PCDH7: variants seen among roughly 807,000 people sequenced by gnomAD.
PCDH7 encodes protocadherin-7.
PCDH7 carries 17 observed loss-of-function variants against 58.9 expected under a neutral mutation model. The ratio of observed to expected loss-of-function variants is 0.29; its 90% CI spans 0.20 to 0.43. The LOEUF (loss-of-function observed/expected upper bound fraction) is 0.43. Ranked by LOEUF, PCDH7 falls within the 20% of genes least tolerant of loss-of-function variation. The pLI is 1.00. For missense variants in PCDH7, 1,274 were observed against 1,441.0 expected (o/e 0.88, Z 1.88); for synonymous variants, 664 against 616.4 (o/e 1.08, Z -1.14).
chr4:30,932,587 G>A (rs1424093034), intron 2 of PCDH7, among the ~76,000 whole-genome samples: 1 of 152,094 alleles, frequency 6.6e-6, no homozygotes, highest in Non-Finnish European at 1.5e-5. Context: ...ATGTATATTT[G>A]TTTCATGGAA....
intron 3 of PCDH7, among the ~76,000 whole-genome samples, chr4:31,010,234 C>G (rs1326087593): frequency 6.6e-6 from 1 of 151,872 alleles, no homozygotes; most frequent in Non-Finnish European, 1.5e-5. Flanking sequence ...CTCAAACCAA[C>G]CACTCTATTA....
chr4:30,851,297 G>T (rs1408887437), intron 1 of PCDH7, among the ~76,000 whole-genome samples: 1 of 151,830 alleles, frequency 6.6e-6, no homozygotes, highest in East Asian at 1.9e-4. Flanking sequence ...ACCTACTTTT[G>T]AATCTAGTTT....
At chr4:30,762,837 T>C (rs1450019105) in intron 1 of PCDH7, among the ~76,000 whole-genome samples, 1 of 152,218 alleles carries the variant, frequency 6.6e-6, no homozygotes, top group Non-Finnish European at 1.5e-5. Context: ...GTTTACTGGA[T>C]GCTTATTTAT....
intron 1 of PCDH7, among the ~76,000 whole-genome samples, chr4:30,891,621 C>G (rs984107098): frequency 6.6e-6 from 1 of 151,980 alleles, no homozygotes; most frequent in African/African-American, 2.4e-5. Flanking sequence ...CACTATTTTT[C>G]TCTTTTAGCT....
rs1024825002 is a variant in PCDH7, at chr4:30,952,578, A to T, written c.*7+2363A>T. On this transcript the variant is annotated intron_variant, in intron 3 of 3. Transcript: ENST00000509759. ...ATTAAAAACCACAGACACTGAAAGGATGTTAAAAGAATATGAATTAAATTG... is the reference window on the plus strand; with the variant it reads ...ATTAAAAACCACAGACACTGAAAGGTTGTTAAAAGAATATGAATTAAATTG... Among the ~76,000 whole-genome samples the T allele has an allele frequency of 1.2e-4, 19 of 152,214 alleles. No homozygotes were observed. In the East Asian group the frequency reaches 2.3e-3, roughly 19 times the overall value.
intron 3 of PCDH7, among the ~76,000 whole-genome samples, chr4:31,105,504 A>G (rs929849339): frequency 2.0e-5 from 3 of 152,044 alleles, no homozygotes; most frequent in Admixed American, 2.0e-4. Context: ...AGGGCTCTAT[A>G]CCCTGGAGGT....
chr4:31,014,754 T>C (rs1281919813), intron 3 of PCDH7, among the ~76,000 whole-genome samples: 2 of 152,148 alleles, frequency 1.3e-5, no homozygotes, highest in African/African-American at 2.4e-5. Flanking sequence ...CACAGAAAAA[T>C]GATCTCTTAG....
intron 3 of PCDH7, among the ~76,000 whole-genome samples, chr4:31,016,323 T>G (rs1413227841): frequency 6.6e-6 from 1 of 152,156 alleles, no homozygotes; most frequent in Admixed American, 6.5e-5. Context: ...TCAGAAAATT[T>G]GGCTCCTGTT....
intron 3 of PCDH7, among the ~76,000 whole-genome samples, chr4:31,009,429 A>G (rs1753011292): frequency 6.6e-6 from 1 of 152,028 alleles, no homozygotes; most frequent in Non-Finnish European, 1.5e-5. Flanking sequence ...ACATACACAC[A>G]GAGACGCATT....
At chr4:31,088,963 T>C (rs1002141015) in intron 3 of PCDH7, among the ~76,000 whole-genome samples, 1 of 152,078 alleles carries the variant, frequency 6.6e-6, no homozygotes, top group Non-Finnish European at 1.5e-5. Flanking sequence ...CCTAAAAATA[T>C]CTTACACTTT....
At chr4:30,790,341 G>A (rs984779761) in intron 1 of PCDH7, among the ~76,000 whole-genome samples, 1 of 152,170 alleles carries the variant, frequency 6.6e-6, no homozygotes, top group African/African-American at 2.4e-5. Flanking sequence ...GATACACAGA[G>A]TTTCAGTAAC....
intron 1 of PCDH7, among the ~76,000 whole-genome samples, chr4:30,774,103 A>G (rs1218812193): frequency 6.6e-6 from 1 of 151,966 alleles, no homozygotes; most frequent in African/African-American, 2.4e-5. Flanking sequence ...TCTTAATAGG[A>G]TTGCTTTCTG....
chr4:30,882,217 ACTCCTC>A (rs147271843), intron 1 of PCDH7, among the ~76,000 whole-genome samples: 2 of 115,474 alleles, frequency 1.7e-5, no homozygotes, highest in African/African-American at 3.3e-5. Flanking sequence ...CTTCCTTTTA[ACTCCTC>A]CTCCTCCTCC....
At chr4:31,009,092 G>A (rs1324171001) in intron 3 of PCDH7, among the ~76,000 whole-genome samples, 5 of 152,000 alleles carry the variant, frequency 3.3e-5, no homozygotes, top group African/African-American at 1.2e-4. Context: ...CATTGAGAAT[G>A]AATCCAATTT....
At chr4:30,841,421 G>A (rs1731204003) in intron 1 of PCDH7, among the ~76,000 whole-genome samples, 2 of 152,050 alleles carry the variant, frequency 1.3e-5, no homozygotes. Context: ...CTGTAGTTCT[G>A]TGCTCTATCT....
chr4:31,072,947 T>G (rs2109255398), intron 3 of PCDH7, among the ~76,000 whole-genome samples: 1 of 152,254 alleles, frequency 6.6e-6, no homozygotes, highest in South Asian at 2.1e-4. Context: ...TAATAAATTC[T>G]CAAGTTGGAG....
intron 3 of PCDH7, among the ~76,000 whole-genome samples, chr4:30,952,322 T>G (rs1747439171): frequency 6.6e-6 from 1 of 151,814 alleles, no homozygotes. Context: ...TTTAAAGATT[T>G]GAGGAAAGGA....
intron 1 of PCDH7, among the ~76,000 whole-genome samples, chr4:30,783,861 A>T (rs1332381046): frequency 6.6e-6 from 1 of 152,120 alleles, no homozygotes; most frequent in Non-Finnish European, 1.5e-5. Flanking sequence ...GGGGTATGAA[A>T]TGGAAGCTGA....
intron 1 of PCDH7, among the ~76,000 whole-genome samples, chr4:30,889,957 A>G (rs1413645804): frequency 1.3e-5 from 2 of 152,224 alleles, no homozygotes; most frequent in Non-Finnish European, 2.9e-5. Flanking sequence ...GCAGACAAAT[A>G]CATAATTAAG....
Sources: gnomAD v4.1 joint callset for allele counts (sites outside exome capture counted in the v4.1 genomes callset) on GRCh38, gnomAD v4.1.1 for gene constraint, MANE v1.5 for transcripts, NCBI Gene and HGNC (gene_info 2026-07-23, HGNC 2026-07-21) for gene names.